SLC9A7: variants seen among roughly 807,000 people sequenced by gnomAD.
SLC9A7 encodes solute carrier family 9 member A7, also known as sodium/hydrogen exchanger 7.
In SLC9A7, 19 loss-of-function variants were observed where a neutral mutation model predicts 52.6. That is an observed-to-expected ratio of 0.36 (90% CI 0.25 to 0.53). The LOEUF (loss-of-function observed/expected upper bound fraction) is 0.53, where lower values mean the gene tolerates loss of function less well. Among genes scored for constraint, SLC9A7 ranks in the 20% least tolerant of loss-of-function variants. SLC9A7 has a pLI of 0.91. For synonymous variants in SLC9A7, 226 were observed against 252.1 expected, an observed-to-expected ratio of 0.90 and a Z score of 0.98; for missense variants, 455 against 597.9, an observed-to-expected ratio of 0.76 and a Z score of 2.49.
At chrX:46,637,450 A>G (rs1374591079) in intron 12 of SLC9A7, among the ~76,000 whole-genome samples, 3 of 112,635 alleles carry the variant, frequency 2.7e-5, no homozygotes, top group Non-Finnish European at 5.6e-5. Flanking sequence ...GCTTTATTAT[A>G]AATTCTCAGT....
chrX:46,617,491 C>T (rs1942972659), intron 15 of SLC9A7, among the ~76,000 whole-genome samples: 2 of 111,566 alleles, frequency 1.8e-5, no homozygotes. Context: ...GTTTCTCTAC[C>T]AAGCCCTCTC....
chrX:46,751,633 C>A (rs1196883325), intron 1 of SLC9A7, among the ~76,000 whole-genome samples: 2 of 110,723 alleles, frequency 1.8e-5, no homozygotes, highest in Non-Finnish European at 3.8e-5. Flanking sequence ...CATGGCGAAA[C>A]CCTGTCTCTA....
At chrX:46,702,667 C>T (rs938716520) in intron 1 of SLC9A7, among the ~76,000 whole-genome samples, 1 of 112,116 alleles carries the variant, frequency 8.9e-6, no homozygotes, top group African/African-American at 3.2e-5. Context: ...GCCACATTTT[C>T]TTTATCCAAT....
At chrX:46,695,222 A>T (rs911871118) in intron 1 of SLC9A7, among the ~76,000 whole-genome samples, 7 of 112,158 alleles carry the variant, frequency 6.2e-5, no homozygotes, top group Non-Finnish European at 9.4e-5. Flanking sequence ...GTTTTTTTTT[A>T]AAAAAAGAGC....
At position 46,706,103 on chromosome X, in the gene SLC9A7, T is replaced by C. The variant is rs572524748; in HGVS notation, c.326-23568A>G. ...GAACTCACTGGATATTTGACAAATA[T>C]CACAAAATTACTATGGTTTTTAAGG... On this transcript the variant is annotated intron_variant, in intron 1 of 16. Transcript: ENST00000616978. Among the ~76,000 whole-genome samples the C allele has an allele frequency of 4.9e-4, 53 of 108,492 alleles. No homozygotes were observed. The South Asian group carries it at 0.021, about 43-fold the overall frequency. The allele number at this position is 108,492 out of a possible 115,157, so 94.2% of individuals were successfully genotyped here.
At chrX:46,700,654 G>A (rs1017240913) in intron 1 of SLC9A7, among the ~76,000 whole-genome samples, 1 of 111,894 alleles carries the variant, frequency 8.9e-6, no homozygotes, top group African/African-American at 3.3e-5. Flanking sequence ...ACTTCTGGCC[G>A]CCAGAACTGT....
intron 12 of SLC9A7, among the ~76,000 whole-genome samples, chrX:46,639,883 C>T (rs1943379581): frequency 1.8e-5 from 2 of 108,922 alleles, no homozygotes; most frequent in African/African-American, 6.7e-5. Flanking sequence ...CAAGTACTAA[C>T]AAAACATGTA....
chrX:46,654,246 C>T (rs769548695), intron 7 of SLC9A7, among the ~76,000 whole-genome samples: 135 of 109,768 alleles, frequency 1.2e-3, no homozygotes, highest in African/African-American at 4.1e-3. Context: ...AAAAATTAGC[C>T]GGGTGTGGTC....
chrX:46,751,282 G>T (rs1294352221), intron 1 of SLC9A7, among the ~76,000 whole-genome samples: 1 of 110,766 alleles, frequency 9.0e-6, no homozygotes, highest in East Asian at 2.8e-4. Flanking sequence ...CCTTGCACTG[G>T]TCCATTACAT....
At chrX:46,714,726 T>A (rs1235598297) in intron 1 of SLC9A7, among the ~76,000 whole-genome samples, 2 of 112,095 alleles carry the variant, frequency 1.8e-5, no homozygotes, top group Non-Finnish European at 3.8e-5. Flanking sequence ...TTCGTTATAT[T>A]TCTAATAAGG....
chrX:46,644,666 G>C (rs1161601638), intron 11 of SLC9A7, among the ~76,000 whole-genome samples: 1 of 110,112 alleles, frequency 9.1e-6, no homozygotes, highest in Non-Finnish European at 1.9e-5. Context: ...TGAATCTACA[G>C]TCTTTAGTAC....
In SLC9A7 at chrX:46,651,271, C is replaced by T. The variant is rs764295678; in HGVS notation, c.1236+45G>A. On this transcript the variant is annotated intron_variant, in intron 9 of 16. Coordinates refer to ENST00000616978, the MANE Select transcript of SLC9A7 (RefSeq NM_001257291.2). ...AGCTGTAACCCTGCAGTTCCCCCTT[C>T]CCTGTGTTAACAAGCAACTCGTGAG... The T allele has an allele frequency of 6.8e-6, 8 of 1,182,363 alleles. No homozygotes were observed. In the Admixed American group the frequency reaches 1.7e-4, roughly 26 times the overall value.
rs760338867 is a variant in SLC9A7 at position 46,605,015 on chromosome X, C to G, written c.*1937G>C. 1 of 109,620 alleles carries G rather than the reference C, an allele frequency of 9.1e-6. No individual in the cohort carries two copies. The highest frequency in any genetic ancestry group is 1.9e-5 in the Non-Finnish European group (1 of 52,646). 9.0% of individuals were successfully genotyped at this position (109,620 alleles called of 1,213,427 possible). A position where few individuals can be genotyped will look rare whatever the true frequency, so the allele number is the denominator to read the frequency against. On this transcript the variant is annotated 3_prime_UTR_variant, in exon 17 of 17. Coordinates refer to ENST00000616978, the MANE Select transcript of SLC9A7 (RefSeq NM_001257291.2). The stretch of plus-strand genomic sequence containing the variant: ...GAAAAACTGGCCAGTATGGTGAAAC[C>G]CCGTCTCTACTAAAAAATACAAAAA...
At chrX:46,716,507 G>A (rs1405132739) in intron 1 of SLC9A7, among the ~76,000 whole-genome samples, 1 of 111,418 alleles carries the variant, frequency 9.0e-6, no homozygotes, top group Non-Finnish European at 1.9e-5. Context: ...ACAGACACAG[G>A]TGCTACAAAA....
chrX:46,746,377 AT>A (rs763877518), intron 1 of SLC9A7, among the ~76,000 whole-genome samples: 2 of 111,259 alleles, frequency 1.8e-5, no homozygotes, highest in Non-Finnish European at 3.8e-5. Flanking sequence ...ATGGGAAAAA[AT>A]AATTGCAAAC....
Position 46,646,713 on chromosome X carries a change from C to A in SLC9A7, c.1462+1973G>T. On this transcript the variant is annotated intron_variant, in intron 11 of 16. Transcript: ENST00000616978. Reference sequence around the variant, plus strand: ...AAGTTCTTGTCCAATTCATAGACAACGAGAATAGCAGTCAGCAGGTTCTGC... The same window carrying A: ...AAGTTCTTGTCCAATTCATAGACAAAGAGAATAGCAGTCAGCAGGTTCTGC... 4 of 289,888 alleles carry A rather than the reference C, an allele frequency of 1.4e-5. No homozygotes were observed. The Admixed American group carries it at 1.4e-4, about 10-fold the overall frequency. The allele number at this position is 289,888 out of a possible 1,213,427, so 23.9% of individuals were successfully genotyped here.
chrX:46,612,366 C>T (rs1010967890), intron 16 of SLC9A7, among the ~76,000 whole-genome samples: 2 of 111,762 alleles, frequency 1.8e-5, no homozygotes, highest in Admixed American at 1.9e-4. Context: ...CTCTCTACCT[C>T]TCTGCCCTGT....
chrX:46,728,582 C>T (rs1332324371), intron 1 of SLC9A7, among the ~76,000 whole-genome samples: 1 of 112,087 alleles, frequency 8.9e-6, no homozygotes, highest in Non-Finnish European at 1.9e-5. Context: ...AAATGATTGC[C>T]AGGTTTTTAA....
At chrX:46,615,470 T>G (rs772809180) in intron 15 of SLC9A7, among the ~76,000 whole-genome samples, 1 of 110,158 alleles carries the variant, frequency 9.1e-6, no homozygotes, top group South Asian at 3.9e-4. Context: ...TCTTGTGTCT[T>G]TGGCTCAGAA....
Sources: gnomAD v4.1 joint callset for allele counts (sites outside exome capture counted in the v4.1 genomes callset) on GRCh38, gnomAD v4.1.1 for gene constraint, MANE v1.5 for transcripts, NCBI Gene and HGNC (gene_info 2026-07-23, HGNC 2026-07-21) for gene names.